COL11A1: variants seen among roughly 807,000 people sequenced by gnomAD.
The protein encoded by COL11A1 is collagen alpha-1(XI) chain.
Under a neutral mutation model 265.2 loss-of-function variants are expected in COL11A1, and 74 were observed. The ratio of observed to expected loss-of-function variants is 0.28; its 90% CI spans 0.23 to 0.34. COL11A1 has a LOEUF of 0.34. Ranked by LOEUF, COL11A1 falls within the 10% of genes least tolerant of loss-of-function variation. The pLI is 1.00. For synonymous variants in COL11A1, 816 were observed against 727.6 expected (o/e 1.12, Z -1.96); for missense variants, 2,165 against 2,263.6 (o/e 0.96, Z 0.88).
chr1:103,004,547 T>C, intron 19 of COL11A1, 59 bp from the exon 20 acceptor site: 1 of 1,588,158 alleles, frequency 6.3e-7, no homozygotes, highest in Non-Finnish European at 8.6e-7. Flanking sequence ...CATTTCAACA[T>C]GATTTTGTTT....
intron 5 of COL11A1, among the ~76,000 whole-genome samples, chr1:103,027,760 G>C (rs1284649805): frequency 3.3e-5 from 5 of 151,830 alleles, no homozygotes; most frequent in African/African-American, 1.2e-4. Context: ...ATGCATAAAG[G>C]GCCAATTTTA....
chr1:103,098,017 A>G (rs1257855517), intron 1 of COL11A1, among the ~76,000 whole-genome samples: 1 of 152,004 alleles, frequency 6.6e-6, no homozygotes, highest in Non-Finnish European at 1.5e-5. Context: ...ACTAGTTGAG[A>G]GTATGACATT....
Position 103,017,742 on chromosome 1 carries a change from A to T in COL11A1, c.1413+78T>A, listed in dbSNP as rs564818246. ...CCCACACGCAGTAAGATAACATGTT[A>T]TACTTGTAGAATACATTTTAATTAT... On this transcript the variant is annotated intron_variant, in intron 11 of 66. Coordinates refer to ENST00000370096, the MANE Select transcript of COL11A1 (RefSeq NM_001854.4). 1.7e-5 allele frequency: 21 copies of T among 1,243,392 alleles called. No individual in the cohort carries two copies. In the South Asian group the frequency reaches 2.4e-4, roughly 14 times the overall value. 77.0% of individuals were successfully genotyped at this position (1,243,392 alleles called of 1,614,324 possible).
At chr1:103,021,847 T>G (rs1667105312) in intron 8 of COL11A1, 78 bp from the exon 9 acceptor site, 1 of 1,119,218 alleles carries the variant, frequency 8.9e-7, no homozygotes, top group Non-Finnish European at 1.3e-6. Flanking sequence ...TCTTTTTTTT[T>G]TTCTTTCTTT....
At chr1:102,938,655 ATAAG>A (rs1382662422) in intron 44 of COL11A1, among the ~76,000 whole-genome samples, 2 of 152,256 alleles carry the variant, frequency 1.3e-5, no homozygotes, top group East Asian at 3.9e-4. Flanking sequence ...AAATTTTAAA[ATAAG>A]TATTTATAAC....
rs1571230139 is a variant in COL11A1 at position 103,078,950 on chromosome 1, G to A, written c.275-79C>T. On this transcript the variant is annotated intron_variant, in intron 2 of 66. Coordinates refer to ENST00000370096, the MANE Select transcript of COL11A1 (RefSeq NM_001854.4). The stretch of plus-strand genomic sequence containing the variant: ...ATTCCTAGATCACTGTGGTATTTTT[G>A]AAATTTCTACATGGCCTTTATAAAT... 9.8e-6 allele frequency: 10 copies of A among 1,019,378 alleles called. No homozygotes were observed. In the East Asian group the frequency reaches 2.3e-4, roughly 24 times the overall value. The allele number at this position is 1,019,378 out of a possible 1,614,324, so 63.1% of individuals were successfully genotyped here. A position where few individuals can be genotyped will look rare whatever the true frequency, so the allele number is the denominator to read the frequency against.
intron 5 of COL11A1, among the ~76,000 whole-genome samples, chr1:103,027,245 C>T (rs902724832): frequency 1.3e-5 from 2 of 150,190 alleles, no homozygotes; most frequent in African/African-American, 2.4e-5. Context: ...GTGCTCAAAT[C>T]CAAAGCTCAA....
chr1:103,002,693 T>A lies in COL11A1; in HGVS notation c.2043+54A>T, dbSNP rs373131195. ...TTTTAGATTTAACAACAAAAAATGG[T>A]TTCTTAGGGCTTATATTCAAATATG... On this transcript the variant is annotated intron_variant, in intron 22 of 66. Coordinates refer to ENST00000370096, the MANE Select transcript of COL11A1 (RefSeq NM_001854.4). 120 of 1,497,602 alleles carry A rather than the reference T, an allele frequency of 8.0e-5. No individual in the cohort carries two copies. The Admixed American group carries it at 9.6e-4, about 12-fold the overall frequency. The allele number at this position is 1,497,602 out of a possible 1,614,324, so 92.8% of individuals were successfully genotyped here.
At chr1:103,022,112 T>C (rs145190082) in intron 8 of COL11A1, among the ~76,000 whole-genome samples, 6,369 of 151,470 alleles carry the variant, frequency 0.042, 238 homozygotes, top group African/African-American at 0.096. Flanking sequence ...CGCCTCTGCC[T>C]CCCAAAGTGC....
chr1:102,902,295 A>G (rs1367165496), intron 54 of COL11A1, among the ~76,000 whole-genome samples: 2 of 152,150 alleles, frequency 1.3e-5, no homozygotes, highest in Non-Finnish European at 2.9e-5. Flanking sequence ...TAGGGAGGAA[A>G]AAAGAGAATT....
intron 41 of COL11A1, among the ~76,000 whole-genome samples, chr1:102,953,970 G>T: frequency 6.6e-6 from 1 of 152,098 alleles, no homozygotes; most frequent in South Asian, 2.1e-4. Context: ...ATAAAAACAT[G>T]TTTCCCAAAG....
At chr1:102,931,043 G>T (rs879656524) in intron 46 of COL11A1, among the ~76,000 whole-genome samples, 3 of 146,564 alleles carry the variant, frequency 2.0e-5, no homozygotes, top group African/African-American at 5.0e-5. Flanking sequence ...CAAAAAACCA[G>T]CTCCTGGATT....
At chr1:102,882,429 A>AAT (rs1314527748) in intron 64 of COL11A1, among the ~76,000 whole-genome samples, 1 of 152,142 alleles carries the variant, frequency 6.6e-6, no homozygotes, top group East Asian at 1.9e-4. Context: ...CATGCCAAGT[A>AAT]GTGTTGGAAG....
At chr1:103,060,906 A>C (rs578193872) in intron 4 of COL11A1, among the ~76,000 whole-genome samples, 19 of 152,222 alleles carry the variant, frequency 1.2e-4, no homozygotes, top group African/African-American at 4.1e-4. Flanking sequence ...TATTCTAACT[A>C]TATATATAAT....
chr1:102,932,233 G>T (rs1324333324), intron 46 of COL11A1, among the ~76,000 whole-genome samples: 4 of 152,130 alleles, frequency 2.6e-5, no homozygotes, highest in African/African-American at 9.7e-5. Context: ...GCTGGTGCCG[G>T]TTGTTCCTTT....
intron 41 of COL11A1, among the ~76,000 whole-genome samples, chr1:102,959,013 G>A (rs893101804): frequency 6.6e-5 from 10 of 152,064 alleles, no homozygotes; most frequent in East Asian, 1.9e-4. Context: ...CGCCCCCTCC[G>A]TGTTTGCTAC....
At chr1:102,960,114 C>T (rs990441672) in intron 41 of COL11A1, among the ~76,000 whole-genome samples, 1 of 151,858 alleles carries the variant, frequency 6.6e-6, no homozygotes, top group Non-Finnish European at 1.5e-5. Context: ...TTTATGAACT[C>T]CAGTGTAAGT....
At chr1:102,970,347 A>T in intron 36 of COL11A1, 75 bp from the exon 37 acceptor site, 1 of 1,221,218 alleles carries the variant, frequency 8.2e-7, no homozygotes, top group Non-Finnish European at 1.2e-6. Context: ...ACATGTTAGA[A>T]AATTTTCTTT....
At chr1:102,975,537 C>A (rs182631861) in intron 35 of COL11A1, among the ~76,000 whole-genome samples, 1 of 151,990 alleles carries the variant, frequency 6.6e-6, no homozygotes, top group Admixed American at 6.6e-5. Context: ...TAATATCATT[C>A]TTGGCTTGAT....
Sources: allele counts gnomAD v4.1 joint callset (sites outside exome capture counted in the v4.1 genomes callset), GRCh38; gene constraint gnomAD v4.1.1; transcripts MANE v1.5; gene names NCBI Gene and HGNC (gene_info 2026-07-23, HGNC 2026-07-21).